Variants in SOS1 observed in about 807,000 individuals in gnomAD.
SOS1 encodes the protein son of sevenless homolog 1.
A neutral mutation model predicts 157.6 loss-of-function variants in SOS1; 25 were observed. That is an observed-to-expected ratio of 0.16 (90% CI 0.12 to 0.22). SOS1 has a LOEUF of 0.22. SOS1 is among the 10% of genes least tolerant of loss of function. SOS1 has a pLI of 1.00. For synonymous variants in SOS1, 528 were observed against 534.0 expected (o/e 0.99, Z 0.16); for missense variants, 1,237 against 1,599.1 (o/e 0.77, Z 3.86).
intron 6 of SOS1, among the ~76,000 whole-genome samples, chr2:39,044,862 G>A (rs202136318): frequency 1.1e-3 from 38 of 33,130 alleles, no homozygotes; most frequent in East Asian, 3.4e-3. Context: ...GCGCGCGCGC[G>A]CGCACACACA....
chr2:39,117,097 C>T (rs1250535937), intron 1 of SOS1, among the ~76,000 whole-genome samples: 3 of 150,026 alleles, frequency 2.0e-5, no homozygotes, highest in African/African-American at 7.4e-5. Context: ...GGTGCAATCT[C>T]GCCCCACTGC....
At chr2:39,020,782 G>A (rs1273707419) in intron 10 of SOS1, among the ~76,000 whole-genome samples, 3 of 151,666 alleles carry the variant, frequency 2.0e-5, no homozygotes, top group Non-Finnish European at 4.4e-5. Flanking sequence ...ACTAATGTGT[G>A]TGTACTGTAA....
intron 1 of SOS1, among the ~76,000 whole-genome samples, chr2:39,091,036 T>C (rs769037644): frequency 6.6e-6 from 1 of 152,112 alleles, no homozygotes; most frequent in Non-Finnish European, 1.5e-5. Flanking sequence ...ACCTGGCTAA[T>C]TTTTGTATTT....
chr2:39,097,628 G>A (rs1672819578), intron 1 of SOS1, among the ~76,000 whole-genome samples: 1 of 151,644 alleles, frequency 6.6e-6, no homozygotes, highest in Non-Finnish European at 1.5e-5. Flanking sequence ...CGCCATCTCA[G>A]CTCATTGCAA....
intron 17 of SOS1, among the ~76,000 whole-genome samples, chr2:38,998,682 C>G (rs1162459781): frequency 6.6e-6 from 1 of 152,090 alleles, no homozygotes; most frequent in African/African-American, 2.4e-5. Context: ...TAGAATAGAG[C>G]CTGACGAACG....
chr2:39,018,550 C>G (rs1347680513), intron 10 of SOS1, among the ~76,000 whole-genome samples: 2 of 151,740 alleles, frequency 1.3e-5, no homozygotes, highest in Non-Finnish European at 3.0e-5. Context: ...TTTTACTGCA[C>G]AATACTTCAA....
At position 39,022,783 on chromosome 2, in the gene SOS1, T is replaced by C. The variant is rs1558474335; in HGVS notation, c.1645A>G (p.Thr549Ala). The change falls in exon 10 of 23, where the codon ACA becomes GCA. Residue 549 changes from threonine (T) to alanine (A), a missense_variant. Transcript: ENST00000402219. ...GTTACATCAAGCATCCTTTCCAGTG[T>C]ACTCCGGTACTGTAAAGATATCAAT... ...AALISLQYRS[T>A]LERMLDVTML... 1 of 1,613,480 alleles carries C rather than the reference T, an allele frequency of 6.2e-7. No homozygotes were observed. Among genetic ancestry groups the C allele is most frequent in the Non-Finnish European group, 8.5e-7 (1 of 1,179,472 alleles).
Position 39,100,264 on chromosome 2 carries a change from C to G in SOS1, c.87+20072G>C, listed in dbSNP as rs182176060. ...ATTATGGAAAACAGTAATGGAGGTTCCTCAAAAACTTAAAAATAGAACTAC... is the reference window on the plus strand; with the variant it reads ...ATTATGGAAAACAGTAATGGAGGTTGCTCAAAAACTTAAAAATAGAACTAC... On this transcript the variant is annotated intron_variant, in intron 1 of 22. Coordinates refer to ENST00000402219, the MANE Select transcript of SOS1 (RefSeq NM_005633.4). 2.7e-3 allele frequency among the ~76,000 whole-genome samples: 407 copies of G among 152,124 alleles called. 4 individuals are homozygous for G. Among genetic ancestry groups the G allele is most frequent in the Middle Eastern group, 6.8e-3 (2 of 294 alleles).
At chr2:39,055,010 A>G (rs1030678109) in intron 4 of SOS1, among the ~76,000 whole-genome samples, 187 bp from the exon 5 acceptor site, 1 of 152,202 alleles carries the variant, frequency 6.6e-6, no homozygotes, top group Non-Finnish European at 1.5e-5. Flanking sequence ...AACATGTGAT[A>G]TAACTTACTA....
chr2:39,041,338 T>C lies in SOS1; in HGVS notation c.865-5838A>G, dbSNP rs556908336. 1.5e-4 allele frequency among the ~76,000 whole-genome samples: 23 copies of C among 152,358 alleles called. No homozygotes were observed. In the South Asian group the frequency reaches 4.8e-3, roughly 32 times the overall value. On this transcript the variant is annotated intron_variant, in intron 6 of 22. Coordinates refer to ENST00000402219, the MANE Select transcript of SOS1 (RefSeq NM_005633.4). ...TTGAGCATTTTTTAATGTACCATGT[T>C]GGCCATTTATATATCTTCATTGGAG... is the stretch of plus-strand genomic sequence containing the variant.
intron 1 of SOS1, among the ~76,000 whole-genome samples, chr2:39,117,610 C>T (rs1430986636): frequency 6.6e-6 from 1 of 152,166 alleles, no homozygotes. Flanking sequence ...ATAGGTTGAA[C>T]TCAAAAGACA....
intron 1 of SOS1, among the ~76,000 whole-genome samples, chr2:39,107,354 G>T (rs1489074090): frequency 6.6e-6 from 1 of 152,066 alleles, no homozygotes; most frequent in Non-Finnish European, 1.5e-5. Context: ...CCTGTTCCCG[G>T]GAGACACATC....
At chr2:39,038,333 A>G (rs1670428013) in intron 6 of SOS1, among the ~76,000 whole-genome samples, 1 of 152,200 alleles carries the variant, frequency 6.6e-6, no homozygotes, top group African/African-American at 2.4e-5. Flanking sequence ...TGTGGTGGAA[A>G]TAGAAAGAGA....
At position 39,054,623 on chromosome 2, in the gene SOS1, A is replaced by G; in HGVS notation, c.711T>C (p.Phe237=). 1 of 1,557,354 alleles carries G rather than the reference A, an allele frequency of 6.4e-7. No individual in the cohort carries two copies. The highest frequency in any genetic ancestry group is 8.9e-7 in the Non-Finnish European group (1 of 1,129,250). ...REPFVSNSKL[F]SANDVENIFS... is the part of the protein sequence containing the mutation. ...ATACAATGATACTTACATTAGCTGA[A>G]AACAATTTTGAATTGGAGACAAAGG... The change falls in exon 5 of 23, where the codon TTT becomes TTC. Residue 237 remains phenylalanine (F), a synonymous_variant. Coordinates refer to ENST00000402219, the MANE Select transcript of SOS1 (RefSeq NM_005633.4).
At chr2:39,098,672 GA>G (rs1672858647) in intron 1 of SOS1, among the ~76,000 whole-genome samples, 1 of 152,158 alleles carries the variant, frequency 6.6e-6, no homozygotes, top group Non-Finnish European at 1.5e-5. Flanking sequence ...GGCAGATCAC[GA>G]AGTTAGGAGA....
chr2:39,043,488 A>G lies in SOS1; in HGVS notation c.864+7656T>C, dbSNP rs114251940. On this transcript the variant is annotated intron_variant, in intron 6 of 22. Coordinates refer to ENST00000402219, the MANE Select transcript of SOS1 (RefSeq NM_005633.4). ...TCTCTATTCATTGTAACAATTTGCA[A>G]AAGAGTAACTGTTTCCTGAAGATTG... Among the ~76,000 whole-genome samples the G allele has an allele frequency of 2.3e-3, 351 of 152,298 alleles. 2 individuals carry two copies. The highest frequency in any genetic ancestry group is 8.0e-3 in the African/African-American group (332 of 41,570).
At chr2:39,039,131 A>G (rs1050552060) in intron 6 of SOS1, among the ~76,000 whole-genome samples, 4 of 152,216 alleles carry the variant, frequency 2.6e-5, no homozygotes, top group Non-Finnish European at 4.4e-5. Flanking sequence ...ATCTAGGTAT[A>G]TATGTTGTTT....
chr2:39,009,765 C>G (rs1006687757), intron 15 of SOS1, among the ~76,000 whole-genome samples: 3 of 152,014 alleles, frequency 2.0e-5, no homozygotes, highest in Admixed American at 2.0e-4. Context: ...GGGAATAGAG[C>G]TACATAGGAG....
intron 8 of SOS1, among the ~76,000 whole-genome samples, chr2:39,025,475 G>A (rs1299161222): frequency 1.3e-5 from 2 of 151,090 alleles, no homozygotes; most frequent in African/African-American, 2.4e-5. Context: ...TCAGCCTCCC[G>A]AGTAGCTGCG....
Sources: gnomAD v4.1 joint callset for allele counts (sites outside exome capture counted in the v4.1 genomes callset) on GRCh38, gnomAD v4.1.1 for gene constraint, MANE v1.5 for transcripts, NCBI Gene and HGNC (gene_info 2026-07-23, HGNC 2026-07-21) for gene names.